Variants in DNAH11 observed in about 807,000 individuals in gnomAD.
The protein encoded by DNAH11 is axonemal beta dynein heavy chain 11.
Under a neutral mutation model 526.0 loss-of-function variants are expected in DNAH11, and 442 were observed. The ratio of observed to expected loss-of-function variants is 0.84; its 90% CI spans 0.78 to 0.91. The LOEUF (loss-of-function observed/expected upper bound fraction) is 0.91, where lower values mean the gene tolerates loss of function less well. DNAH11 is among the 40% of genes least tolerant of loss of function. DNAH11 has a pLI of 0.00. For missense variants in DNAH11, 6,989 were observed against 5,448.7 expected, an observed-to-expected ratio of 1.28 and a Z score of -8.90; for synonymous variants, 2,461 against 1,935.9, an observed-to-expected ratio of 1.27 and a Z score of -7.12.
chr7:21,654,185 A>G (rs1014252281), intron 28 of DNAH11, among the ~76,000 whole-genome samples: 2 of 152,060 alleles, frequency 1.3e-5, no homozygotes, highest in African/African-American at 4.8e-5. Flanking sequence ...ATTCCAAACC[A>G]TTTTCATCAA....
intron 76 of DNAH11, 117 bp from the exon 77 acceptor site, chr7:21,892,308 C>G: frequency 7.0e-7 from 1 of 1,423,508 alleles, no homozygotes; most frequent in East Asian, 2.3e-5. Flanking sequence ...AGGGAGCCTG[C>G]TACCCAGACA....
rs532812527 is a variant in DNAH11, at chr7:21,650,262, C to T, written c.4945-5570C>T. On this transcript the variant is annotated intron_variant, in intron 28 of 81. Coordinates refer to ENST00000409508, the MANE Select transcript of DNAH11 (RefSeq NM_001277115.2). ...AGAAATCAAATTACAAAATATTATACTGTGATTTTATTTTTGGCAAAAGCA... is the reference window on the plus strand; with the variant it reads ...AGAAATCAAATTACAAAATATTATATTGTGATTTTATTTTTGGCAAAAGCA... 5.3e-5 allele frequency among the ~76,000 whole-genome samples: 8 copies of T among 152,204 alleles called. No individual in the cohort carries two copies. The South Asian group carries it at 1.7e-3, about 32-fold the overall frequency.
intron 44 of DNAH11, among the ~76,000 whole-genome samples, chr7:21,721,800 A>T (rs1784886053): frequency 6.6e-6 from 1 of 152,180 alleles, no homozygotes; most frequent in Non-Finnish European, 1.5e-5. Flanking sequence ...TTCGGTTTGT[A>T]GCATTTGATA....
chr7:21,859,669 A>G lies in DNAH11; in HGVS notation c.11203-2184A>G, dbSNP rs963200768. On this transcript the variant is annotated intron_variant, in intron 68 of 81. Coordinates refer to ENST00000409508, the MANE Select transcript of DNAH11 (RefSeq NM_001277115.2). Reference sequence around the variant, plus strand: ...AATTAATCTGTGGTCTCTGGTCCCTATCATCCAAAAATAAATAGATATTTT... The same window carrying G: ...AATTAATCTGTGGTCTCTGGTCCCTGTCATCCAAAAATAAATAGATATTTT... 6.6e-5 allele frequency among the ~76,000 whole-genome samples: 10 copies of G among 152,314 alleles called. 1 individual carries two copies. In the South Asian group the frequency reaches 1.5e-3, roughly 22 times the overall value.
At chr7:21,579,213 C>G (rs923175484) in intron 8 of DNAH11, among the ~76,000 whole-genome samples, 10 of 152,168 alleles carry the variant, frequency 6.6e-5, no homozygotes, top group African/African-American at 2.2e-4. Context: ...GGCAATTATG[C>G]AGTTTTCAGA....
At chr7:21,749,404 T>C (rs979953586) in intron 52 of DNAH11, among the ~76,000 whole-genome samples, 4 of 152,130 alleles carry the variant, frequency 2.6e-5, no homozygotes, top group African/African-American at 9.7e-5. Context: ...TTGTACACAG[T>C]GAGAAGGGAG....
rs758134465 is a variant in DNAH11 at position 21,600,839 on chromosome 7, A to G, written c.3164A>G (p.Tyr1055Cys). The G allele has an allele frequency of 1.9e-6, 3 of 1,613,984 alleles. No individual in the cohort carries two copies. The East Asian group carries it at 6.7e-5, about 36-fold the overall frequency. Reference sequence around the variant, plus strand: ...GAGTTTATGAAGCATTTTCTCTTGTATGGCCATGCTGTGTCTTCCGATGAA... The same window carrying G: ...GAGTTTATGAAGCATTTTCTCTTGTGTGGCCATGCTGTGTCTTCCGATGAA... ...RAEFMKHFLL[Y>C]GHAVSSDEMD... The change falls in exon 16 of 82, where the codon TAT becomes TGT. Residue 1055 changes from tyrosine (Y) to cysteine (C), a missense_variant. Tyr to Cys is a radical substitution (Grantham distance 194). Transcript: ENST00000409508.
chr7:21,821,198 G>A, intron 65 of DNAH11, among the ~76,000 whole-genome samples: 1 of 152,178 alleles, frequency 6.6e-6, no homozygotes, highest in Middle Eastern at 3.2e-3. Flanking sequence ...GAGAGTAAGT[G>A]TAGGGAAAGA....
At chr7:21,703,124 G>A (rs879086072) in intron 37 of DNAH11, among the ~76,000 whole-genome samples, 1 of 152,180 alleles carries the variant, frequency 6.6e-6, no homozygotes, top group South Asian at 2.1e-4. Flanking sequence ...AAATCTGATT[G>A]AATTGGGATA....
intron 8 of DNAH11, among the ~76,000 whole-genome samples, chr7:21,576,195 G>T (rs1784088952): frequency 6.6e-6 from 1 of 152,142 alleles, no homozygotes; most frequent in Non-Finnish European, 1.5e-5. Flanking sequence ...CCAAACAGCT[G>T]CTTGGCAGGA....
In DNAH11 at chr7:21,718,053, C is replaced by T. The variant is rs953508058; in HGVS notation, c.7134+128C>T. 17 of 1,277,812 alleles carry T rather than the reference C, an allele frequency of 1.3e-5. No homozygotes were observed. The Admixed American group carries it at 3.1e-4, about 23-fold the overall frequency. The allele number at this position is 1,277,812 out of a possible 1,614,324, so 79.2% of individuals were successfully genotyped here. On this transcript the variant is annotated intron_variant, in intron 43 of 81. Transcript: ENST00000409508. The stretch of plus-strand genomic sequence containing the variant: ...TTCTGGAATTGTTAGATTGCTGCAA[C>T]CCTCTTGCCCCCGCCCCCGTCCCCC...
In DNAH11 at chr7:21,720,859, ATGT is replaced by A. The variant is rs1562508500; in HGVS notation, c.7266+5_7266+7del. On this transcript the variant is annotated splice_donor_5th_base_variant and intron_variant, in intron 44 of 81. Coordinates refer to ENST00000409508, the MANE Select transcript of DNAH11 (RefSeq NM_001277115.2). ...GAGGCACCCTGCTACAAGATCAGGTATGTTTAGAAATAGTTTACAGGACCAGTT... is the reference window on the plus strand; with the variant it reads ...GAGGCACCCTGCTACAAGATCAGGTATTAGAAATAGTTTACAGGACCAGTT... The A allele has an allele frequency of 2.5e-6, 4 of 1,610,946 alleles. No individual in the cohort carries two copies. Among genetic ancestry groups the A allele is most frequent in the Non-Finnish European group, 3.4e-6 (4 of 1,178,530 alleles).
chr7:21,717,649 C>A lies in DNAH11; in HGVS notation c.6984-126C>A, dbSNP rs147266022. On this transcript the variant is annotated intron_variant, in intron 42 of 81. Transcript: ENST00000409508. ...AATATTTGCAGTTTGAAAAATAGAA[C>A]GAACTCACTAAACGTGTCCTTGAAG... is the stretch of plus-strand genomic sequence containing the variant. 4.7e-5 allele frequency: 51 copies of A among 1,086,536 alleles called. 1 individual carries two copies. Among genetic ancestry groups the A allele is most frequent in the South Asian group, 1.7e-4 (9 of 51,766 alleles). The allele number at this position is 1,086,536 out of a possible 1,614,324, so 67.3% of individuals were successfully genotyped here.
chr7:21,879,447 AAAACAAAAAACAAAT>A (rs1260585269), intron 74 of DNAH11, among the ~76,000 whole-genome samples: 1 of 152,016 alleles, frequency 6.6e-6, no homozygotes, highest in Non-Finnish European at 1.5e-5. Context: ...CCATCTCAAA[AAAACAAAAAACAAAT>A]AAACAAAAAA....
At chr7:21,572,954 C>T (rs60276753) in intron 8 of DNAH11, among the ~76,000 whole-genome samples, 19,418 of 152,160 alleles carry the variant, frequency 0.13, 2,533 homozygotes, top group African/African-American at 0.32. Flanking sequence ...TCAATAAATA[C>T]GTACAGAATG....
chr7:21,892,215 A>T (rs1784350519), intron 76 of DNAH11, among the ~76,000 whole-genome samples: 1 of 152,050 alleles, frequency 6.6e-6, no homozygotes, highest in Non-Finnish European at 1.5e-5. Context: ...TAGGGATAGG[A>T]TTAATGTGTG....
chr7:21,683,661 C>T (rs1487335551), intron 31 of DNAH11, 123 bp from the exon 32 acceptor site: 6 of 1,037,982 alleles, frequency 5.8e-6, no homozygotes, highest in Non-Finnish European at 8.1e-6. Context: ...TTTGCAATAG[C>T]GTGCAAGAGA....
At chr7:21,579,244 T>C (rs1347892705) in intron 8 of DNAH11, among the ~76,000 whole-genome samples, 1 of 152,244 alleles carries the variant, frequency 6.6e-6, no homozygotes, top group Non-Finnish European at 1.5e-5. Context: ...ATTTTTATAA[T>C]GATTTCTGAA....
chr7:21,558,810 G>T lies in DNAH11; in HGVS notation c.504G>T (p.Val168=). 1 of 1,579,012 alleles carries T rather than the reference G, an allele frequency of 6.3e-7. No homozygotes were observed. Among genetic ancestry groups the T allele is most frequent in the South Asian group, 1.2e-5 (1 of 82,562 alleles). ...HVSAFLDEIL[V]PVLSNKNNHK... is the part of the protein sequence containing the mutation. ...TGTTTCTCTTTCTCTAGATTTTAGT[G>T]CCAGTTCTTTCTAATAAGAACAACC... The change falls in exon 3 of 82, where the codon GTG becomes GTT. Residue 168 remains valine, a synonymous_variant. Transcript: ENST00000409508.
Sources: allele counts gnomAD v4.1 joint callset (sites outside exome capture counted in the v4.1 genomes callset), GRCh38; gene constraint gnomAD v4.1.1; transcripts MANE v1.5; gene names NCBI Gene and HGNC (gene_info 2026-07-23, HGNC 2026-07-21).